WWOX: variants seen among roughly 807,000 people sequenced by gnomAD.
WWOX encodes the protein WW domain containing oxidoreductase.
In WWOX, 69 loss-of-function variants were observed where a neutral mutation model predicts 46.2. That is an observed-to-expected ratio of 1.49 (90% CI 1.23 to 1.82). WWOX has a LOEUF of 1.82. WWOX is among the 40% of genes most tolerant of loss of function. WWOX has a pLI of 0.00. For missense variants in WWOX, 919 were observed against 542.6 expected (o/e 1.69, Z -6.89); for synonymous variants, 359 against 202.6 (o/e 1.77, Z -6.56).
At chr16:78,326,566 G>GC (rs1388904234) in intron 5 of WWOX, among the ~76,000 whole-genome samples, 47 of 22,672 alleles carry the variant, frequency 2.1e-3, no homozygotes, top group East Asian at 4.1e-3. Context: ...ATTTCTGCCT[G>GC]CCCTCCCCCC....
chr16:78,416,653 A>G (rs2082803241), intron 6 of WWOX, among the ~76,000 whole-genome samples: 1 of 152,214 alleles, frequency 6.6e-6, no homozygotes, highest in Non-Finnish European at 1.5e-5. Flanking sequence ...TAGAAGAGAC[A>G]TTGTTGTTAT....
chr16:78,996,405 A>G, intron 8 of WWOX: 1 of 858,038 alleles, frequency 1.2e-6, no homozygotes, highest in Non-Finnish European at 1.3e-6. Context: ...CCCACCTGTA[A>G]AATGATTTGC....
At chr16:78,836,823 A>G (rs1011340793) in intron 8 of WWOX, among the ~76,000 whole-genome samples, 5 of 152,280 alleles carry the variant, frequency 3.3e-5, no homozygotes, top group African/African-American at 1.2e-4. Context: ...TTGGATTCCT[A>G]ATCACGGGAC....
intron 5 of WWOX, among the ~76,000 whole-genome samples, chr16:78,305,644 A>G (rs1020238409): frequency 1.3e-5 from 2 of 152,098 alleles, no homozygotes; most frequent in Admixed American, 1.3e-4. Flanking sequence ...TAAAAAAAAA[A>G]AGAATGAAAA....
intron 8 of WWOX, among the ~76,000 whole-genome samples, chr16:78,712,654 T>G (rs567627800): frequency 6.6e-6 from 1 of 152,300 alleles, no homozygotes; most frequent in African/African-American, 2.4e-5. Context: ...ATGGAGTAGC[T>G]AATAGATAGT....
At chr16:79,087,655 G>A (rs2048878023) in intron 8 of WWOX, among the ~76,000 whole-genome samples, 1 of 152,186 alleles carries the variant, frequency 6.6e-6, no homozygotes, top group Non-Finnish European at 1.5e-5. Context: ...GTTGGCCCAT[G>A]GCAACACCCT....
chr16:78,310,855 T>G (rs1409417082), intron 5 of WWOX, among the ~76,000 whole-genome samples: 1 of 152,176 alleles, frequency 6.6e-6, no homozygotes, highest in East Asian at 1.9e-4. Flanking sequence ...TGAGCCTCTG[T>G]AACGCAGCCC....
At chr16:78,946,647 G>C (rs188494365) in intron 8 of WWOX, among the ~76,000 whole-genome samples, 16 of 152,278 alleles carry the variant, frequency 1.1e-4, no homozygotes, top group African/African-American at 3.8e-4. Context: ...GAGAGATGCA[G>C]TGATGGCATG....
intron 8 of WWOX, among the ~76,000 whole-genome samples, chr16:78,466,364 T>A (rs908114119): frequency 1.3e-5 from 2 of 152,180 alleles, no homozygotes; most frequent in African/African-American, 4.8e-5. Context: ...GTGGTGAAAC[T>A]GTTTTGGAAC....
chr16:78,883,279 TCAGTAACG>T (rs61125022), intron 8 of WWOX, among the ~76,000 whole-genome samples: 4,323 of 152,190 alleles, frequency 0.028, 109 homozygotes, highest in African/African-American at 0.061. Flanking sequence ...CTCTCTCTCA[TCAGTAACG>T]CAGTAACGTA....
At chr16:78,773,346 A>G (rs1020200017) in intron 8 of WWOX, among the ~76,000 whole-genome samples, 12 of 152,180 alleles carry the variant, frequency 7.9e-5, no homozygotes, top group Non-Finnish European at 1.2e-4. Context: ...GGTTTCAGGA[A>G]TGTTCAGCTG....
At chr16:78,966,463 A>G (rs2046364595) in intron 8 of WWOX, among the ~76,000 whole-genome samples, 1 of 152,050 alleles carries the variant, frequency 6.6e-6, no homozygotes, top group South Asian at 2.1e-4. Context: ...CTTTTCATGT[A>G]CATCGTTTTT....
intron 8 of WWOX, among the ~76,000 whole-genome samples, chr16:78,916,878 G>T (rs1037819134): frequency 1.3e-5 from 2 of 152,162 alleles, no homozygotes; most frequent in African/African-American, 2.4e-5. Context: ...ATTCAAACAG[G>T]CTTAATTAAC....
At chr16:78,419,647 AAAAGG>A (rs1456654769) in intron 6 of WWOX, among the ~76,000 whole-genome samples, 1 of 150,300 alleles carries the variant, frequency 6.7e-6, no homozygotes, top group African/African-American at 2.4e-5. Context: ...AAAAAAAAAA[AAAAGG>A]GTCAGAGACT....
chr16:78,687,683 C>A (rs1350736561), intron 8 of WWOX, among the ~76,000 whole-genome samples: 1 of 152,206 alleles, frequency 6.6e-6, no homozygotes, highest in Non-Finnish European at 1.5e-5. Flanking sequence ...ACTAGGCAAG[C>A]AGTTCATAGC....
Position 78,099,880 on chromosome 16 carries a change from C to A in WWOX, c.102C>A (p.Tyr34Ter), listed in dbSNP as rs1295198168. ...CCACCAAGGACGGCTGGGTTTACTACGCCAAGTAAGGGGGCCGCAGTGGGG... is the reference window on the plus strand; with the variant it reads ...CCACCAAGGACGGCTGGGTTTACTAAGCCAAGTAAGGGGGCCGCAGTGGGG... ...ERTTKDGWVY[Y>*]ANHTEEKTQW... Residue 34 changes from tyrosine (Y) to a stop codon, truncating the protein, a stop_gained, in exon 1 of 9, where the codon TAC (tyrosine) becomes TAA (stop). Transcript: ENST00000566780. LOFTEE classifies it high-confidence loss of function. 1 of 1,565,486 alleles carries A rather than the reference C, an allele frequency of 6.4e-7. No homozygotes were observed. Among genetic ancestry groups the A allele is most frequent in the Admixed American group, 1.9e-5 (1 of 52,726 alleles).
chr16:78,449,038 C>T (rs1388391054), intron 8 of WWOX, among the ~76,000 whole-genome samples: 8 of 152,122 alleles, frequency 5.3e-5, no homozygotes, highest in Admixed American at 4.6e-4. Context: ...GGTAGAAATT[C>T]ACCTATGTCA....
intron 8 of WWOX, among the ~76,000 whole-genome samples, chr16:78,765,129 G>A (rs1402644509): frequency 2.6e-5 from 4 of 152,176 alleles, no homozygotes; most frequent in African/African-American, 9.6e-5. Context: ...TAGGGTGATG[G>A]TCCTTGAAGG....
chr16:78,873,090 C>G (rs1165210976), intron 8 of WWOX: 2 of 152,234 alleles, frequency 1.3e-5, no homozygotes, highest in Admixed American at 6.5e-5. Flanking sequence ...AGTCACCACA[C>G]CCAGCCCAGA....
Sources: allele counts gnomAD v4.1 joint callset (sites outside exome capture counted in the v4.1 genomes callset), GRCh38; gene constraint gnomAD v4.1.1; transcripts MANE v1.5; gene names NCBI Gene and HGNC (gene_info 2026-07-23, HGNC 2026-07-21).